The following TOP3B variants were observed in gnomAD, a reference collection of about 807,000 sequenced individuals.
TOP3B encodes DNA topoisomerase 3-beta-1.
In TOP3B, 45 loss-of-function variants were observed where a neutral mutation model predicts 93.9. The observed-to-expected ratio is 0.48, with a 90% CI of 0.38 to 0.61. The LOEUF (loss-of-function observed/expected upper bound fraction) is 0.61, where lower values mean the gene tolerates loss of function less well. Ranked by LOEUF, TOP3B falls within the 20% of genes least tolerant of loss-of-function variation. The pLI, the probability that TOP3B is intolerant of heterozygous loss-of-function variation, is 0.00. For missense variants in TOP3B, 750 were observed against 1,156.1 expected, an observed-to-expected ratio of 0.65 and a Z score of 5.09; for synonymous variants, 357 against 472.6, an observed-to-expected ratio of 0.76 and a Z score of 3.17.
Position 21,962,522 on chromosome 22 carries a change from C to T in TOP3B, c.1432G>A (p.Val478Met). The change falls in exon 13 of 18, where the codon GTG (valine) becomes ATG (methionine). Residue 478 changes from valine (V) to methionine (M), a missense_variant. By Grantham distance (21) the Val-to-Met change is conservative. Transcript: ENST00000357179. ...PTCQRGDAFP[V>M]GEVKMLEKQT... The stretch of plus-strand genomic sequence containing the variant: ...TTCTCCAGCATCTTCACCTCGCCCA[C>T]AGGGAAGGCATCACCCCGCTGGCAA... The T allele has an allele frequency of 6.2e-7, 1 of 1,613,770 alleles. No individual in the cohort carries two copies. The highest frequency in any genetic ancestry group is 8.5e-7 in the Non-Finnish European group (1 of 1,180,036).
Position 21,970,205 on chromosome 22 carries a change from A to G in TOP3B, c.581+5T>C. 1 of 1,609,576 alleles carries G rather than the reference A, an allele frequency of 6.2e-7. No homozygotes were observed. Among genetic ancestry groups the G allele is most frequent in the Non-Finnish European group, 8.5e-7 (1 of 1,179,820 alleles). ...TGCCCAGGACTCTGCGGGTGTGGCC[A>G]GCACCTGGTGAATGCACAGCCGATT... On this transcript the variant is annotated splice_donor_5th_base_variant and intron_variant, in intron 6 of 17. Transcript: ENST00000357179. This position sits in a 1 kb window ranked among gnomAD's most constrained non-coding sequence, Gnocchi z 4.4.
chr22:21,970,517 C>T lies in TOP3B; in HGVS notation c.385-111G>A. On this transcript the variant is annotated intron_variant, in intron 5 of 17. Coordinates refer to ENST00000357179, the MANE Select transcript of TOP3B (RefSeq NM_001282112.2). The surrounding 1 kb of genome is among the most constrained non-coding windows in gnomAD (Gnocchi z 4.4). Reference sequence around the variant, plus strand: ...AGGAAAGAACACGTGTGCTCGGCTCCCTCTCCTGCCCCTGCCAGACCCTCC... The same window carrying T: ...AGGAAAGAACACGTGTGCTCGGCTCTCTCTCCTGCCCCTGCCAGACCCTCC... 1 of 1,135,860 alleles carries T rather than the reference C, an allele frequency of 8.8e-7. No individual in the cohort carries two copies. The highest frequency in any genetic ancestry group is 1.3e-6 in the Non-Finnish European group (1 of 799,226). 70.4% of individuals were successfully genotyped at this position (1,135,860 alleles called of 1,614,324 possible). A position where few individuals can be genotyped will look rare whatever the true frequency, so the allele number is the denominator to read the frequency against.
rs930383433 is a variant in TOP3B at position 21,959,647 on chromosome 22, G to A, written c.1744C>T (p.Leu582=). 1 of 1,613,860 alleles carries A rather than the reference G, an allele frequency of 6.2e-7. No individual in the cohort carries two copies. The highest frequency in any genetic ancestry group is 8.5e-7 in the Non-Finnish European group (1 of 1,179,950). ...TTGAACACGTCCAGGGTGTGGCCCAGGACCTGGCGGTAGTCGGCCTTGCCC... is the reference window on the plus strand; with the variant it reads ...TTGAACACGTCCAGGGTGTGGCCCAAGACCTGGCGGTAGTCGGCCTTGCCC... ...AQGKADYRQV[L]GHTLDVFKRK... The change falls in exon 15 of 18, where the codon CTG becomes TTG. Residue 582 remains leucine (L), a synonymous_variant. Coordinates refer to ENST00000357179, the MANE Select transcript of TOP3B (RefSeq NM_001282112.2).
chr22:21,972,641 G>A lies in TOP3B; in HGVS notation c.280C>T (p.Pro94Ser), dbSNP rs150240016. Residue 94 changes from proline (P) to serine (S), a missense_variant, in exon 4 of 18, where the codon CCC becomes TCC. Around this residue, in one of 4 missense-constraint regions of TOP3B, gnomAD observed 737 missense variants for 933.7 expected, o/e 0.79. Coordinates refer to ENST00000357179, the MANE Select transcript of TOP3B (RefSeq NM_001282112.2). Reference protein sequence around the residue: ...QAPTEKKEANPKLNMVKFLQV... With the variant: ...QAPTEKKEANSKLNMVKFLQV... ...AGGAACTTCACCATGTTCAGCTTGG[G>A]GTTAGCTTCTTTCTTCTCCGTGGGA... is the stretch of plus-strand genomic sequence containing the variant. The A allele has an allele frequency of 6.2e-7, 1 of 1,611,488 alleles. No individual in the cohort carries two copies. The highest frequency in any genetic ancestry group is 1.3e-5 in the African/African-American group (1 of 74,578).
At chr22:21,974,293 A>T in intron 3 of TOP3B, 64 bp downstream of exon 3, 1 of 1,560,274 alleles carries the variant, frequency 6.4e-7, no homozygotes, top group South Asian at 1.2e-5. Flanking sequence ...TCCTGGCTTC[A>T]ACTGGACCCT....
chr22:21,971,071 G>A lies in TOP3B; in HGVS notation c.385-665C>T. 7.7e-7 allele frequency: 1 copy of A among 1,302,854 alleles called. No individual in the cohort carries two copies. 80.7% of individuals were successfully genotyped at this position (1,302,854 alleles called of 1,614,324 possible). On this transcript the variant is annotated intron_variant, in intron 5 of 17. Coordinates refer to ENST00000357179, the MANE Select transcript of TOP3B (RefSeq NM_001282112.2). The surrounding 1 kb of genome is among the most constrained non-coding windows in gnomAD (Gnocchi z 4.6). ...ATAAGTGGCTTCATTTCTGAAGGGA[G>A]AAAGCCCCATGAGCTGCCCCCATTC...
intron 13 of TOP3B, chr22:21,961,555 CA>C (rs1183136337): frequency 2.0e-5 from 3 of 152,516 alleles, no homozygotes; most frequent in Non-Finnish European, 4.4e-5. Flanking sequence ...AGGGCTATTT[CA>C]GGACCCTGGC....
chr22:21,965,502 C>A, intron 8 of TOP3B, 127 bp from the exon 9 acceptor site: 1 of 486,720 alleles, frequency 2.1e-6, no homozygotes, highest in South Asian at 4.1e-5. Flanking sequence ...TCATTCTTCC[C>A]AACAGTCTAA....
Position 21,971,696 on chromosome 22 carries a change from A to T in TOP3B, c.384+181T>A. 1.5e-6 allele frequency: 1 copy of T among 677,366 alleles called. No individual in the cohort carries two copies. The highest frequency in any genetic ancestry group is 1.8e-5 in the African/African-American group (1 of 56,758). 42.0% of individuals were successfully genotyped at this position (677,366 alleles called of 1,614,324 possible). A position where few individuals can be genotyped will look rare whatever the true frequency, so the allele number is the denominator to read the frequency against. ...AGGAACAACTGACCACCTTTAATAG[A>T]GCCTATGCAGTTAAAAGTATCTGTG... On this transcript the variant is annotated intron_variant, in intron 5 of 17. Coordinates refer to ENST00000357179, the MANE Select transcript of TOP3B (RefSeq NM_001282112.2). This position sits in a 1 kb window ranked among gnomAD's most constrained non-coding sequence, Gnocchi z 4.6.
At chr22:21,980,565 C>T (rs17821818) in intron 1 of TOP3B, among the ~76,000 whole-genome samples, 11,725 of 152,166 alleles carry the variant, frequency 0.077, 594 homozygotes, top group Non-Finnish European at 0.12. Flanking sequence ...TGCTTTTTTC[C>T]TCAAAATAAG....
intron 16 of TOP3B, 54 bp downstream of exon 16, chr22:21,959,078 C>G: frequency 6.3e-7 from 1 of 1,594,568 alleles, no homozygotes; most frequent in Non-Finnish European, 8.6e-7. Context: ...AACGATAAAG[C>G]TGAGGCCTAC....
rs1351863919 is a variant in TOP3B, at chr22:21,960,355, G to A, written c.1620C>T (p.Leu540=). 7 of 1,613,556 alleles carry A rather than the reference G, an allele frequency of 4.3e-6. No homozygotes were observed. The highest frequency in any genetic ancestry group is 3.3e-5 in the Admixed American group (2 of 60,004). The change falls in exon 14 of 18, where the codon CTC becomes CTT. Residue 540 remains leucine (L), a synonymous_variant. Transcript: ENST00000357179. ...AGTAGCCGTGCACCAGGACGATGCC[G>A]AGGTTGGTGGGCTTGAGCCGGCGCC... The part of the protein sequence containing the change: ...ESGRRLKPTN[L]GIVLVHGYYK...
At chr22:21,972,120 A>G (rs2071664190) in intron 4 of TOP3B, 169 bp from the exon 5 acceptor site, 1 of 580,354 alleles carries the variant, frequency 1.7e-6, no homozygotes, top group Non-Finnish European at 3.0e-6. Context: ...GGCTCAGCCA[A>G]CAGAAAAGAA....
At position 21,958,491 on chromosome 22, in the gene TOP3B, C is replaced by A; in HGVS notation, c.2107+1G>T. The stretch of plus-strand genomic sequence containing the variant: ...GGACAGGAGGGAGTGGCTGCACTCA[C>A]CTTTCTTCATGTCTCGGAAGGGTGG... On this transcript the variant is annotated splice_donor_variant, in intron 17 of 17. Coordinates refer to ENST00000357179, the MANE Select transcript of TOP3B (RefSeq NM_001282112.2). LOFTEE classifies it high-confidence loss of function. 1 of 1,613,956 alleles carries A rather than the reference C, an allele frequency of 6.2e-7. No individual in the cohort carries two copies. Among genetic ancestry groups the A allele is most frequent in the Non-Finnish European group, 8.5e-7 (1 of 1,180,024 alleles).
chr22:21,959,956 GC>G, intron 14 of TOP3B: 1 of 672,218 alleles, frequency 1.5e-6, no homozygotes, highest in Non-Finnish European at 2.5e-6. Context: ...AGGCAGAGTG[GC>G]CAGGGATGTC....
intron 1 of TOP3B, chr22:21,982,311 C>T (rs9607474): frequency 0.1 from 15,898 of 152,214 alleles, 896 homozygotes; most frequent in Non-Finnish European, 0.12. Context: ...CCTCAAAACC[C>T]AGCCAGGGCC....
At chr22:21,958,133 G>A in intron 17 of TOP3B, 5 of 1,255,976 alleles carry the variant, frequency 4.0e-6, no homozygotes, top group Non-Finnish European at 5.1e-6. Flanking sequence ...ATGAGGACGA[G>A]GATGAGGATG....
At chr22:21,980,132 C>T (rs774365090) in intron 1 of TOP3B, among the ~76,000 whole-genome samples, 1 of 152,102 alleles carries the variant, frequency 6.6e-6, no homozygotes, top group African/African-American at 2.4e-5. Context: ...TGTGTGCACA[C>T]GTGTGCACTT....
At chr22:21,961,485 C>T (rs1321404238) in intron 13 of TOP3B, 1 of 152,314 alleles carries the variant, frequency 6.6e-6, no homozygotes, top group Non-Finnish European at 1.5e-5. Flanking sequence ...AGCCAGTGTC[C>T]CATCAATGCG....
Sources: allele counts gnomAD v4.1 joint callset (sites outside exome capture counted in the v4.1 genomes callset), GRCh38; gene constraint gnomAD v4.1.1; regional missense constraint gnomAD v4.1.1; non-coding constraint Gnocchi (gnomAD v3.1); transcripts MANE v1.5; gene names NCBI Gene and HGNC (gene_info 2026-07-23, HGNC 2026-07-21).